SGCZ: variants seen among roughly 807,000 people sequenced by gnomAD.
SGCZ encodes sarcoglycan zeta, also known as zeta-sarcoglycan.
A neutral mutation model predicts 41.3 loss-of-function variants in SGCZ; 40 were observed. The ratio of observed to expected loss-of-function variants is 0.97; its 90% CI spans 0.75 to 1.26. The LOEUF is 1.26. Ranked by LOEUF, SGCZ falls within the 50% of genes most tolerant of loss-of-function variation. The pLI is 0.00. For missense variants in SGCZ, 552 were observed against 369.8 expected (o/e 1.49, Z -4.04); for synonymous variants, 206 against 137.5 (o/e 1.50, Z -3.49).
At chr8:15,008,281 C>G (rs1467100942) in intron 1 of SGCZ, among the ~76,000 whole-genome samples, 1 of 151,852 alleles carries the variant, frequency 6.6e-6, no homozygotes, top group African/African-American at 2.4e-5. Flanking sequence ...TTTCTTTTGC[C>G]AAATGAGTCC....
At chr8:14,909,389 T>A (rs1799215014) in intron 1 of SGCZ, among the ~76,000 whole-genome samples, 1 of 152,182 alleles carries the variant, frequency 6.6e-6, no homozygotes, top group South Asian at 2.1e-4. Context: ...TTAATTAATT[T>A]CGTGTTTTAA....
intron 1 of SGCZ, among the ~76,000 whole-genome samples, chr8:15,169,240 G>A (rs1000546180): frequency 6.6e-6 from 1 of 152,168 alleles, no homozygotes; most frequent in Non-Finnish European, 1.5e-5. Context: ...AGGGCAGTTA[G>A]ATGTACTTCT....
At position 14,179,238 on chromosome 8, in the gene SGCZ, G is replaced by A. The variant is rs539759274; in HGVS notation, c.425-14536C>T. Among the ~76,000 whole-genome samples, 20 of 152,224 alleles carry A rather than the reference G, an allele frequency of 1.3e-4. No homozygotes were observed. The South Asian group carries it at 1.5e-3, about 11-fold the overall frequency. ...AGCCAGATGGCATCTAGAGAATGACGGGAAATTATCATAACCTAAGCAATG... is the reference window on the plus strand; with the variant it reads ...AGCCAGATGGCATCTAGAGAATGACAGGAAATTATCATAACCTAAGCAATG... On this transcript the variant is annotated intron_variant, in intron 4 of 7. Transcript: ENST00000382080.
intron 1 of SGCZ, among the ~76,000 whole-genome samples, chr8:14,950,446 C>G (rs1402377192): frequency 6.6e-6 from 1 of 151,610 alleles, no homozygotes; most frequent in Non-Finnish European, 1.5e-5. Context: ...CTCTTCTGCT[C>G]TTCTTCTCTT....
At chr8:15,078,198 C>T (rs1490802514) in intron 1 of SGCZ, among the ~76,000 whole-genome samples, 3 of 130,462 alleles carry the variant, frequency 2.3e-5, no homozygotes, top group Non-Finnish European at 3.1e-5. Flanking sequence ...CCACCCTCCT[C>T]ACCTTTCAAT....
At chr8:15,172,155 T>TTTA in intron 1 of SGCZ, among the ~76,000 whole-genome samples, 1 of 59,286 alleles carries the variant, frequency 1.7e-5, no homozygotes, top group Non-Finnish European at 3.5e-5. Context: ...TTATACTCTG[T>TTTA]TTTTTTTTTT....
intron 2 of SGCZ, among the ~76,000 whole-genome samples, chr8:14,515,228 C>T (rs1449262879): frequency 6.6e-6 from 1 of 152,030 alleles, no homozygotes; most frequent in African/African-American, 2.4e-5. Context: ...ATACATGTAT[C>T]CAGGGCAACT....
intron 1 of SGCZ, among the ~76,000 whole-genome samples, chr8:15,168,772 G>T (rs1382454229): frequency 2.0e-5 from 3 of 152,148 alleles, no homozygotes; most frequent in Admixed American, 6.5e-5. Context: ...TCTTCAGTTA[G>T]GCAATTGTGT....
chr8:14,310,730 G>T (rs1306277717), intron 3 of SGCZ, among the ~76,000 whole-genome samples: 2 of 151,968 alleles, frequency 1.3e-5, no homozygotes, highest in African/African-American at 4.8e-5. Flanking sequence ...TTATAGAAGG[G>T]ATTTGTACTT....
chr8:14,573,480 G>T (rs1291956752), intron 1 of SGCZ, among the ~76,000 whole-genome samples: 1 of 151,978 alleles, frequency 6.6e-6, no homozygotes, highest in South Asian at 2.1e-4. Context: ...GAGCCACTGC[G>T]CCCGGCCGCA....
chr8:14,664,461 C>G (rs1563187830), intron 1 of SGCZ, among the ~76,000 whole-genome samples: 1 of 152,176 alleles, frequency 6.6e-6, no homozygotes, highest in Admixed American at 6.6e-5. Context: ...ATGAATTTAA[C>G]TGCTGTTTAG....
chr8:14,259,656 T>C (rs1799584257), intron 3 of SGCZ, among the ~76,000 whole-genome samples: 1 of 137,428 alleles, frequency 7.3e-6, no homozygotes, highest in South Asian at 2.2e-4. Context: ...CTCTGTTCTG[T>C]TCCATTGATC....
At chr8:15,018,916 C>T (rs1375449116) in intron 1 of SGCZ, among the ~76,000 whole-genome samples, 1 of 152,032 alleles carries the variant, frequency 6.6e-6, no homozygotes, top group Non-Finnish European at 1.5e-5. Flanking sequence ...TCTGGGGAGG[C>T]CTTAGGAAAC....
intron 1 of SGCZ, among the ~76,000 whole-genome samples, chr8:15,067,643 G>A (rs1312182973): frequency 6.6e-6 from 1 of 152,088 alleles, no homozygotes; most frequent in African/African-American, 2.4e-5. Flanking sequence ...TTGTCAATTT[G>A]ATAAAATAAT....
intron 2 of SGCZ, among the ~76,000 whole-genome samples, chr8:14,463,921 C>G (rs1483682798): frequency 2.1e-5 from 3 of 143,406 alleles, no homozygotes; most frequent in Non-Finnish European, 4.4e-5. Context: ...GGTGTGTTAC[C>G]TTGATTGACT....
At chr8:14,665,462 G>T (rs562196957) in intron 1 of SGCZ, among the ~76,000 whole-genome samples, 1 of 152,212 alleles carries the variant, frequency 6.6e-6, no homozygotes, top group Non-Finnish European at 1.5e-5. Flanking sequence ...GAATAGTGCT[G>T]CAGTAAACAT....
At chr8:14,263,999 C>T (rs1240817370) in intron 3 of SGCZ, among the ~76,000 whole-genome samples, 1 of 152,220 alleles carries the variant, frequency 6.6e-6, no homozygotes, top group African/African-American at 2.4e-5. Flanking sequence ...GGCCCACAGA[C>T]AGATAGAGCC....
chr8:14,989,834 A>G (rs531686902), intron 1 of SGCZ, among the ~76,000 whole-genome samples: 1 of 152,316 alleles, frequency 6.6e-6, no homozygotes, highest in East Asian at 1.9e-4. Flanking sequence ...CATTACAGAC[A>G]TAAGTAGGAA....
chr8:14,443,882 G>C (rs950278933), intron 2 of SGCZ, among the ~76,000 whole-genome samples: 1 of 152,102 alleles, frequency 6.6e-6, no homozygotes, highest in Non-Finnish European at 1.5e-5. Flanking sequence ...GCAACCTACA[G>C]AATGGGAGAA....
Sources: allele counts gnomAD v4.1 joint callset (sites outside exome capture counted in the v4.1 genomes callset), GRCh38; gene constraint gnomAD v4.1.1; transcripts MANE v1.5; gene names NCBI Gene and HGNC (gene_info 2026-07-23, HGNC 2026-07-21).